Variants in CSNK1G1 observed in about 807,000 individuals in gnomAD.
The protein encoded by CSNK1G1 is casein kinase I isoform gamma-1.
CSNK1G1 carries 22 observed loss-of-function variants against 59.6 expected under a neutral mutation model. That is an observed-to-expected ratio of 0.37 (90% confidence interval 0.26 to 0.53). The LOEUF is 0.53. Among genes scored for constraint, CSNK1G1 ranks in the 20% least tolerant of loss-of-function variants. The pLI is 0.89. For missense variants in CSNK1G1, 384 were observed against 519.5 expected, an observed-to-expected ratio of 0.74 and a Z score of 2.54; for synonymous variants, 179 against 177.1, an observed-to-expected ratio of 1.01 and a Z score of -0.08.
intron 4 of CSNK1G1, among the ~76,000 whole-genome samples, chr15:64,219,192 C>A (rs1488306252): frequency 1.3e-5 from 2 of 152,040 alleles, no homozygotes; most frequent in Non-Finnish European, 2.9e-5. Context: ...TTGAAGAAGT[C>A]ATTTTTCAGC....
At chr15:64,350,289 C>T (rs947731756) in intron 1 of CSNK1G1, among the ~76,000 whole-genome samples, 2 of 151,888 alleles carry the variant, frequency 1.3e-5, no homozygotes, top group South Asian at 2.1e-4. Context: ...GTCAGGAGAT[C>T]GAGACCATCC....
At chr15:64,297,834 T>G (rs1045046918) in intron 2 of CSNK1G1, among the ~76,000 whole-genome samples, 2 of 152,198 alleles carry the variant, frequency 1.3e-5, no homozygotes, top group Non-Finnish European at 2.9e-5. Context: ...TGCCTTGACT[T>G]TGGAATTTTG....
intron 4 of CSNK1G1, among the ~76,000 whole-genome samples, chr15:64,241,584 A>G (rs1191930563): frequency 1.3e-5 from 2 of 152,236 alleles, no homozygotes; most frequent in Non-Finnish European, 2.9e-5. Flanking sequence ...AAAAATTTAA[A>G]ATAAATGGTA....
chr15:64,234,387 G>A (rs1218287075), intron 4 of CSNK1G1, among the ~76,000 whole-genome samples: 1 of 152,186 alleles, frequency 6.6e-6, no homozygotes, highest in Non-Finnish European at 1.5e-5. Flanking sequence ...GAGCATAAAA[G>A]TTAGGCAGAT....
intron 4 of CSNK1G1, among the ~76,000 whole-genome samples, chr15:64,223,545 G>A (rs897534671): frequency 2.6e-5 from 4 of 152,146 alleles, no homozygotes; most frequent in African/African-American, 7.2e-5. Context: ...TGGAAATAAT[G>A]TGCTAATGAG....
At chr15:64,332,099 T>C (rs1897139685) in intron 1 of CSNK1G1, among the ~76,000 whole-genome samples, 1 of 141,128 alleles carries the variant, frequency 7.1e-6, no homozygotes, top group East Asian at 2.2e-4. Flanking sequence ...GTTCAACCAT[T>C]GTGGAAGTCA....
At chr15:64,173,852 G>A (rs553100281) in intron 11 of CSNK1G1, among the ~76,000 whole-genome samples, 16 of 152,064 alleles carry the variant, frequency 1.1e-4, no homozygotes, top group Non-Finnish European at 1.5e-5. Flanking sequence ...GACCTCAAAT[G>A]ATCCACCTGC....
At chr15:64,229,985 G>A (rs1294449578) in intron 4 of CSNK1G1, among the ~76,000 whole-genome samples, 6 of 131,248 alleles carry the variant, frequency 4.6e-5, no homozygotes, top group Non-Finnish European at 7.7e-5. Flanking sequence ...GCAGTGGCGC[G>A]ACCTCGGCTC....
chr15:64,229,453 T>C (rs1164185587), intron 4 of CSNK1G1, among the ~76,000 whole-genome samples: 1 of 152,202 alleles, frequency 6.6e-6, no homozygotes, highest in African/African-American at 2.4e-5. Flanking sequence ...ATGTCTCTCA[T>C]GTAACAAGAG....
chr15:64,219,274 C>G (rs2082354674), intron 4 of CSNK1G1, among the ~76,000 whole-genome samples: 1 of 152,228 alleles, frequency 6.6e-6, no homozygotes, highest in South Asian at 2.1e-4. Context: ...GCAGAACACT[C>G]TGTCCTAGAG....
At chr15:64,259,456 T>C (rs1262085692) in intron 2 of CSNK1G1, among the ~76,000 whole-genome samples, 1 of 150,514 alleles carries the variant, frequency 6.6e-6, no homozygotes. Context: ...CCTGAGAATT[T>C]TCCTAAAAGA....
At position 64,297,023 on chromosome 15, in the gene CSNK1G1, G is replaced by A. The variant is rs1434126105; in HGVS notation, c.181+3296C>T. 2.3e-5 allele frequency among the ~76,000 whole-genome samples: 3 copies of A among 131,230 alleles called. No individual in the cohort carries two copies. The South Asian group carries it at 7.1e-4, about 31-fold the overall frequency. The allele number at this position is 131,230 out of a possible 152,430, so 86.1% of individuals were successfully genotyped here. On this transcript the variant is annotated intron_variant, in intron 2 of 11. Coordinates refer to ENST00000303052, the MANE Select transcript of CSNK1G1 (RefSeq NM_022048.5). ...CCCCCACATAAACCTGGAGCCCAAA[G>A]AAAGTATGCTTTATTTTCCCCCCTC...
chr15:64,355,148 T>C (rs1442357712), intron 1 of CSNK1G1, among the ~76,000 whole-genome samples: 2 of 152,240 alleles, frequency 1.3e-5, no homozygotes, highest in Non-Finnish European at 2.9e-5. Flanking sequence ...TACATCTATA[T>C]GGTTTCCCCA....
intron 11 of CSNK1G1, among the ~76,000 whole-genome samples, chr15:64,173,667 G>C (rs1214805265): frequency 7.4e-6 from 1 of 135,732 alleles, no homozygotes; most frequent in African/African-American, 2.8e-5. Context: ...CTGTCGCTCA[G>C]GCTGGAGTGC....
At chr15:64,172,352 C>A (rs913073837) in intron 11 of CSNK1G1, among the ~76,000 whole-genome samples, 3 of 152,164 alleles carry the variant, frequency 2.0e-5, no homozygotes, top group Non-Finnish European at 4.4e-5. Context: ...TAAAAATAGT[C>A]TACATTGTCT....
At chr15:64,231,150 G>A (rs2082543008) in intron 4 of CSNK1G1, among the ~76,000 whole-genome samples, 2 of 150,804 alleles carry the variant, frequency 1.3e-5, no homozygotes, top group Non-Finnish European at 3.0e-5. Context: ...AACATAGGGA[G>A]ACCCCATGTT....
At position 64,170,301 on chromosome 15, in the gene CSNK1G1, G is replaced by A. The variant is rs1022953669; in HGVS notation, c.*1630C>T. The A allele has an allele frequency of 6.6e-6, 1 of 152,196 alleles. No homozygotes were observed. Among genetic ancestry groups the A allele is most frequent in the African/African-American group, 2.4e-5 (1 of 41,438 alleles). 9.4% of individuals were successfully genotyped at this position (152,196 alleles called of 1,614,324 possible). A position where few individuals can be genotyped will look rare whatever the true frequency, so the allele number is the denominator to read the frequency against. ...GAAAACACCATGGGGGGAGGCCTAG[G>A]GCATACTGGGAAAAACATGCTTAGA... On this transcript the variant is annotated 3_prime_UTR_variant, in exon 12 of 12. Transcript: ENST00000303052.
intron 4 of CSNK1G1, among the ~76,000 whole-genome samples, chr15:64,241,183 T>C (rs1171520418): frequency 6.6e-6 from 1 of 152,094 alleles, no homozygotes; most frequent in Non-Finnish European, 1.5e-5. Context: ...GAAAAAGATA[T>C]TCTACACAAA....
Position 64,172,127 on chromosome 15 carries a change from A to G in CSNK1G1, c.1215-142T>C, listed in dbSNP as rs1263982156. 20 of 722,406 alleles carry G rather than the reference A, an allele frequency of 2.8e-5. No individual in the cohort carries two copies. In the East Asian group the frequency reaches 4.6e-4, roughly 16 times the overall value. 44.7% of individuals were successfully genotyped at this position (722,406 alleles called of 1,614,324 possible). ...ACCACCCACCATCTACAGTGCACGC[A>G]CTGGAGGCAGTGGGCAGTGTCTGCC... On this transcript the variant is annotated intron_variant, in intron 11 of 11. Coordinates refer to ENST00000303052, the MANE Select transcript of CSNK1G1 (RefSeq NM_022048.5).
Sources: allele counts gnomAD v4.1 joint callset (sites outside exome capture counted in the v4.1 genomes callset), GRCh38; gene constraint gnomAD v4.1.1; transcripts MANE v1.5; gene names NCBI Gene and HGNC (gene_info 2026-07-23, HGNC 2026-07-21).